EML1: variants seen among roughly 807,000 people sequenced by gnomAD.
The protein encoded by EML1 is echinoderm microtubule-associated protein-like 1.
Under a neutral mutation model 110.4 loss-of-function variants are expected in EML1, and 27 were observed. The observed-to-expected ratio is 0.24, with a 90% CI of 0.18 to 0.34. The LOEUF (loss-of-function observed/expected upper bound fraction) is 0.34. EML1 is among the 10% of genes least tolerant of loss of function. The pLI is 1.00. For synonymous variants in EML1, 344 were observed against 385.8 expected, an observed-to-expected ratio of 0.89 and a Z score of 1.27; for missense variants, 741 against 1,030.9, an observed-to-expected ratio of 0.72 and a Z score of 3.85.
chr14:99,878,625 G>T lies in EML1; in HGVS notation c.518+6G>T. 1 of 1,612,206 alleles carries T rather than the reference G, an allele frequency of 6.2e-7. No individual in the cohort carries two copies. Among genetic ancestry groups the T allele is most frequent in the East Asian group, 2.2e-5 (1 of 44,858 alleles). ...GGCAAAAAGAACAGTGAAAGGTAAGGACGTCTTATCTCTCAGTTCCTGCTG... is the reference window on the plus strand; with the variant it reads ...GGCAAAAAGAACAGTGAAAGGTAAGTACGTCTTATCTCTCAGTTCCTGCTG... On this transcript the variant is annotated splice_donor_region_variant and intron_variant, in intron 4 of 21. Coordinates refer to ENST00000262233, the MANE Select transcript of EML1 (RefSeq NM_004434.3).
chr14:99,838,614 T>C (rs2058576927), intron 1 of EML1, among the ~76,000 whole-genome samples: 1 of 151,842 alleles, frequency 6.6e-6, no homozygotes, highest in Non-Finnish European at 1.5e-5. Flanking sequence ...CCAGGATCAT[T>C]GTTAAAAAGC....
At chr14:99,772,161 T>C (rs1416151112), upstream of EML1, among the ~76,000 whole-genome samples, 1 of 152,242 alleles carries the variant, frequency 6.6e-6, no homozygotes, top group Non-Finnish European at 1.5e-5. Flanking sequence ...ATAGTGTTGA[T>C]GTTTTTGTTT....
chr14:99,746,232 G>C (rs1226478943), intron 1 of EML1, among the ~76,000 whole-genome samples: 1 of 152,216 alleles, frequency 6.6e-6, no homozygotes, highest in Non-Finnish European at 1.5e-5. Flanking sequence ...CAGGTGCGCT[G>C]TCCCCAACCT....
intron 3 of EML1, among the ~76,000 whole-genome samples, chr14:99,870,704 T>C (rs1308666557): frequency 1.3e-5 from 2 of 152,134 alleles, no homozygotes; most frequent in Admixed American, 6.5e-5. Flanking sequence ...GCTCTATAAA[T>C]GGAAGAAAAC....
At chr14:99,835,201 CT>C (rs535008870) in intron 1 of EML1, among the ~76,000 whole-genome samples, 107 of 152,014 alleles carry the variant, frequency 7.0e-4, no homozygotes, top group Admixed American at 1.4e-3. Flanking sequence ...AGCTTTGTTA[CT>C]TTTTTTTCTT....
chr14:99,789,604 C>A (rs1262609219), upstream of EML1, among the ~76,000 whole-genome samples: 1 of 152,210 alleles, frequency 6.6e-6, no homozygotes, highest in Non-Finnish European at 1.5e-5. Flanking sequence ...GCTACATTCC[C>A]AGCCCCAAGC....
At chr14:99,843,413 A>G (rs1566893653) in intron 1 of EML1, among the ~76,000 whole-genome samples, 1 of 138,618 alleles carries the variant, frequency 7.2e-6, no homozygotes, top group Non-Finnish European at 1.6e-5. Flanking sequence ...TGTTTTGGTA[A>G]TTTTTATTGG....
chr14:99,922,421 G>A (rs1216276754), intron 17 of EML1, among the ~76,000 whole-genome samples: 1 of 152,044 alleles, frequency 6.6e-6, no homozygotes, highest in Non-Finnish European at 1.5e-5. Context: ...CTGGCCTTAT[G>A]GATTTAGATT....
intron 1 of EML1, among the ~76,000 whole-genome samples, chr14:99,800,947 T>TA (rs2057863831): frequency 6.6e-6 from 1 of 152,204 alleles, no homozygotes; most frequent in Admixed American, 6.5e-5. Flanking sequence ...TAGGGAGTCT[T>TA]ACAGGAGACC....
chr14:99,745,814 G>A (rs1181188655), intron 1 of EML1, among the ~76,000 whole-genome samples: 2 of 152,200 alleles, frequency 1.3e-5, no homozygotes, highest in Non-Finnish European at 2.9e-5. Context: ...GCCACTTCTC[G>A]CTCATAGTCT....
intron 1 of EML1, among the ~76,000 whole-genome samples, chr14:99,832,134 A>G (rs1027272847): frequency 6.6e-6 from 1 of 152,144 alleles, no homozygotes; most frequent in African/African-American, 2.4e-5. Flanking sequence ...ACCATGCAGA[A>G]TGTACTCTAT....
intron 19 of EML1, among the ~76,000 whole-genome samples, chr14:99,937,339 G>A (rs182731531): frequency 1.9e-4 from 29 of 152,290 alleles, no homozygotes; most frequent in African/African-American, 6.3e-4. Flanking sequence ...ATGTGGTCTC[G>A]TACTCTGCTG....
intron 17 of EML1, among the ~76,000 whole-genome samples, chr14:99,927,900 G>A (rs865980780): frequency 4.4e-4 from 3 of 6,758 alleles, no homozygotes; most frequent in African/African-American, 1.7e-3. Context: ...GGTGGTGGTG[G>A]TGGTGGTGGT....
rs1355437115 is a variant in EML1, at chr14:99,865,601, C to G, written c.338C>G (p.Ser113Cys). The change falls in exon 3 of 22, where the codon TCC becomes TGC. Residue 113 changes from serine to cysteine, a missense_variant. Around this residue, in one of 4 missense-constraint regions of EML1, gnomAD observed 226 missense variants for 255.6 expected, o/e 0.88. Transcript: ENST00000262233. ...AAGAAACCTACTGGCTCTCTACCAT[C>G]CCCCTCCGGGGTCAGGAAAGAAACT... The part of the protein sequence containing the change: ...LPKKPTGSLP[S>C]PSGVRKETAV... 6.2e-7 allele frequency: 1 copy of G among 1,614,214 alleles called. No homozygotes were observed. The highest frequency in any genetic ancestry group is 2.2e-5 in the East Asian group (1 of 44,888).
chr14:99,796,375 C>A (rs930052150), intron 1 of EML1, among the ~76,000 whole-genome samples: 1 of 152,124 alleles, frequency 6.6e-6, no homozygotes, highest in Admixed American at 6.5e-5. Flanking sequence ...TATCTAGCCT[C>A]CTGAAAAGGC....
chr14:99,935,781 CAAAAAAAAAAAA>C (rs1160100015), intron 17 of EML1, among the ~76,000 whole-genome samples: 1 of 83,730 alleles, frequency 1.2e-5, no homozygotes, highest in Non-Finnish European at 2.3e-5. Flanking sequence ...GACTCCGTCT[CAAAAAAAAAAAA>C]AAAAAAAAAA....
intron 1 of EML1, among the ~76,000 whole-genome samples, chr14:99,786,549 G>C (rs1190826452): frequency 6.6e-6 from 1 of 152,214 alleles, no homozygotes; most frequent in Non-Finnish European, 1.5e-5. Context: ...TGACTGCAGA[G>C]GCCCTGTTGA....
intron 1 of EML1, among the ~76,000 whole-genome samples, chr14:99,777,564 C>T (rs1400236760): frequency 2.6e-5 from 4 of 152,100 alleles, no homozygotes; most frequent in Admixed American, 6.6e-5. Context: ...GGATTACAGC[C>T]ACCTGCCACC....
intron 1 of EML1, among the ~76,000 whole-genome samples, chr14:99,745,550 C>T (rs573973092): frequency 3.7e-4 from 56 of 152,300 alleles, no homozygotes; most frequent in African/African-American, 1.3e-3. Context: ...AGGTTGCCTA[C>T]GAACCCTGTC....
Sources: allele counts gnomAD v4.1 joint callset (sites outside exome capture counted in the v4.1 genomes callset), GRCh38; gene constraint gnomAD v4.1.1; regional missense constraint gnomAD v4.1.1; transcripts MANE v1.5; gene names NCBI Gene and HGNC (gene_info 2026-07-23, HGNC 2026-07-21).